GABRB1: variants seen among roughly 807,000 people sequenced by gnomAD.
GABRB1 encodes the protein gamma-aminobutyric acid type A receptor subunit beta1, also known as gamma-aminobutyric acid receptor subunit beta-1.
GABRB1 carries 17 observed loss-of-function variants against 51.6 expected under a neutral mutation model. The ratio of observed to expected loss-of-function variants is 0.33; its 90% CI spans 0.23 to 0.49. The LOEUF (loss-of-function observed/expected upper bound fraction) is 0.49. Among genes scored for constraint, GABRB1 ranks in the 20% least tolerant of loss-of-function variants. GABRB1 has a pLI of 0.99. For synonymous variants in GABRB1, 247 were observed against 218.9 expected, an observed-to-expected ratio of 1.13 and a Z score of -1.14; for missense variants, 410 against 600.6, an observed-to-expected ratio of 0.68 and a Z score of 3.32.
intron 1 of GABRB1, among the ~76,000 whole-genome samples, chr4:47,005,182 G>C (rs901376081): frequency 2.0e-5 from 3 of 152,364 alleles, no homozygotes; most frequent in Admixed American, 1.3e-4. Context: ...ACTTTGGGAG[G>C]CCGAGGCGGG....
intron 4 of GABRB1, among the ~76,000 whole-genome samples, chr4:47,255,123 G>A (rs1722149440): frequency 6.6e-6 from 1 of 152,164 alleles, no homozygotes; most frequent in South Asian, 2.1e-4. Context: ...CCTGATCTTT[G>A]AGGTGAGCCA....
intron 4 of GABRB1, among the ~76,000 whole-genome samples, chr4:47,256,170 G>A (rs923590618): frequency 6.6e-6 from 1 of 152,148 alleles, no homozygotes; most frequent in African/African-American, 2.4e-5. Context: ...CACAGGACTT[G>A]CTGATGTATT....
chr4:47,377,221 G>A (rs1288720350), intron 5 of GABRB1, among the ~76,000 whole-genome samples: 2 of 152,110 alleles, frequency 1.3e-5, no homozygotes, highest in Admixed American at 6.5e-5. Context: ...TCCGCTCACT[G>A]CAACCTCCAC....
At chr4:47,192,980 C>T (rs1719504862) in intron 4 of GABRB1, among the ~76,000 whole-genome samples, 1 of 152,114 alleles carries the variant, frequency 6.6e-6, no homozygotes, top group Admixed American at 6.6e-5. Context: ...AGAAATAAAG[C>T]TAAGAATTCA....
chr4:47,203,996 C>T (rs554976940), intron 4 of GABRB1, among the ~76,000 whole-genome samples: 21 of 152,226 alleles, frequency 1.4e-4, no homozygotes, highest in Non-Finnish European at 2.8e-4. Context: ...ATAATTTCTC[C>T]GTGCTTTGCA....
intron 3 of GABRB1, among the ~76,000 whole-genome samples, chr4:47,105,922 GA>G (rs919477642): frequency 2.0e-5 from 3 of 151,618 alleles, no homozygotes; most frequent in Admixed American, 6.6e-5. Flanking sequence ...GTTGAGTTTT[GA>G]AAAAAAATTT....
intron 4 of GABRB1, among the ~76,000 whole-genome samples, chr4:47,229,882 G>A (rs1721074678): frequency 6.6e-6 from 1 of 152,032 alleles, no homozygotes; most frequent in African/African-American, 2.4e-5. Flanking sequence ...CTGAGGGACT[G>A]CATGCTTTTC....
At chr4:47,061,100 T>C (rs989425953) in intron 3 of GABRB1, among the ~76,000 whole-genome samples, 1 of 152,244 alleles carries the variant, frequency 6.6e-6, no homozygotes, top group African/African-American at 2.4e-5. Context: ...ATGCTTCACA[T>C]AATTCTATTT....
intron 5 of GABRB1, among the ~76,000 whole-genome samples, chr4:47,330,885 G>A (rs1313546900): frequency 6.6e-6 from 1 of 152,098 alleles, no homozygotes; most frequent in Non-Finnish European, 1.5e-5. Flanking sequence ...ACAATTACAA[G>A]CAAAAGCCTT....
At chr4:47,069,733 T>A (rs892888788) in intron 3 of GABRB1, among the ~76,000 whole-genome samples, 4 of 151,164 alleles carry the variant, frequency 2.6e-5, no homozygotes, top group African/African-American at 9.7e-5. Context: ...AGTGGAAATC[T>A]CTCCTTTTCT....
intron 4 of GABRB1, among the ~76,000 whole-genome samples, chr4:47,301,713 C>G (rs1331536221): frequency 6.6e-6 from 1 of 151,506 alleles, no homozygotes; most frequent in African/African-American, 2.4e-5. Flanking sequence ...AAAGGAGAAT[C>G]CAAGGACTAA....
At chr4:47,134,720 C>G (rs1188106117) in intron 3 of GABRB1, among the ~76,000 whole-genome samples, 1 of 152,076 alleles carries the variant, frequency 6.6e-6, no homozygotes, top group Non-Finnish European at 1.5e-5. Context: ...ATTCCGTTTT[C>G]TAAATGTATA....
intron 3 of GABRB1, among the ~76,000 whole-genome samples, chr4:47,111,861 A>G (rs1385456832): frequency 6.6e-6 from 1 of 152,132 alleles, no homozygotes; most frequent in Non-Finnish European, 1.5e-5. Flanking sequence ...AGACCCTGCA[A>G]TGCAACAATC....
chr4:47,021,899 A>AAAAC (rs369718234), intron 1 of GABRB1, among the ~76,000 whole-genome samples: 4 of 152,096 alleles, frequency 2.6e-5, no homozygotes, highest in African/African-American at 9.7e-5. Flanking sequence ...AAAAAGACTT[A>AAAAC]AAACAGGGCC....
At chr4:47,000,782 T>G (rs1375580484) in intron 1 of GABRB1, among the ~76,000 whole-genome samples, 1 of 152,232 alleles carries the variant, frequency 6.6e-6, no homozygotes, top group African/African-American at 2.4e-5. Context: ...AGACTTTTTA[T>G]ATGCCGGCTG....
intron 1 of GABRB1, among the ~76,000 whole-genome samples, chr4:47,010,036 GA>G (rs769377932): frequency 1.3e-5 from 2 of 152,188 alleles, no homozygotes; most frequent in Non-Finnish European, 2.9e-5. Flanking sequence ...TACCACAGCT[GA>G]CATTTTAACC....
intron 4 of GABRB1, among the ~76,000 whole-genome samples, chr4:47,309,384 C>T (rs961591455): frequency 3.9e-5 from 6 of 151,978 alleles, no homozygotes; most frequent in Non-Finnish European, 8.8e-5. Context: ...ATTTATGCAA[C>T]CTTTGCTGTG....
At chr4:47,127,844 C>T (rs1376236958) in intron 3 of GABRB1, among the ~76,000 whole-genome samples, 1 of 151,582 alleles carries the variant, frequency 6.6e-6, no homozygotes, top group Non-Finnish European at 1.5e-5. Context: ...TATAAAGCAA[C>T]CACTTAAAAA....
intron 3 of GABRB1, among the ~76,000 whole-genome samples, chr4:47,079,964 G>A (rs187205898): frequency 9.2e-5 from 14 of 151,878 alleles, no homozygotes; most frequent in African/African-American, 2.2e-4. Context: ...TAACCTGCAC[G>A]TTGTGCACAT....
Sources: gnomAD v4.1 joint callset for allele counts (sites outside exome capture counted in the v4.1 genomes callset) on GRCh38, gnomAD v4.1.1 for gene constraint, MANE v1.5 for transcripts, NCBI Gene and HGNC (gene_info 2026-07-23, HGNC 2026-07-21) for gene names.